TRAPPC9: variants seen among roughly 807,000 people sequenced by gnomAD.
TRAPPC9 encodes the protein trafficking protein particle complex subunit 9.
In TRAPPC9, 83 loss-of-function variants were observed where a neutral mutation model predicts 124.0. The observed-to-expected ratio is 0.67, with a 90% CI of 0.56 to 0.80. The LOEUF (loss-of-function observed/expected upper bound fraction) is 0.80, where lower values mean the gene tolerates loss of function less well. Ranked by LOEUF, TRAPPC9 falls within the 30% of genes least tolerant of loss-of-function variation. The pLI, the probability that TRAPPC9 is intolerant of heterozygous loss-of-function variation, is 0.00. For missense variants in TRAPPC9, 1,302 were observed against 1,508.3 expected, an observed-to-expected ratio of 0.86 and a Z score of 2.27; for synonymous variants, 638 against 617.5, an observed-to-expected ratio of 1.03 and a Z score of -0.49.
At chr8:139,752,206 ACCAT>A (rs200963563) in intron 21 of TRAPPC9, among the ~76,000 whole-genome samples, 3 of 148,282 alleles carry the variant, frequency 2.0e-5, no homozygotes, top group Non-Finnish European at 3.0e-5. Flanking sequence ...CTACCCATCT[ACCAT>A]CCATCCATCC....
chr8:140,178,216 G>T (rs961808020), intron 17 of TRAPPC9, among the ~76,000 whole-genome samples: 5 of 152,112 alleles, frequency 3.3e-5, no homozygotes, highest in African/African-American at 1.2e-4. Context: ...GCCTTAGGAG[G>T]AAAGCATTCA....
chr8:139,808,315 G>C (rs1284091683), intron 21 of TRAPPC9, among the ~76,000 whole-genome samples: 1 of 152,132 alleles, frequency 6.6e-6, no homozygotes, highest in South Asian at 2.1e-4. Flanking sequence ...CAAAAAATTA[G>C]CCGGGCGTGG....
At chr8:140,120,665 C>CCCATCCATCCAACAT (rs1413039510) in intron 17 of TRAPPC9, among the ~76,000 whole-genome samples, 1 of 145,994 alleles carries the variant, frequency 6.8e-6, no homozygotes, top group Non-Finnish European at 1.5e-5. Flanking sequence ...CATCCATCCA[C>CCCATCCATCCAACAT]CCATCCATCC....
At position 140,094,332 on chromosome 8, in the gene TRAPPC9, C is replaced by T. The variant is rs1217939353; in HGVS notation, c.2557-70253G>A. 2.0e-5 allele frequency among the ~76,000 whole-genome samples: 3 copies of T among 152,308 alleles called. No individual in the cohort carries two copies. In the East Asian group the frequency reaches 5.8e-4, roughly 29 times the overall value. On this transcript the variant is annotated intron_variant, in intron 17 of 22. Transcript: ENST00000438773. Reference sequence around the variant, plus strand: ...GCAGAAGAAACTCATGCTTGGGTTTCCAGTAACATGTAGACAGCCTGTGGG... The same window carrying T: ...GCAGAAGAAACTCATGCTTGGGTTTTCAGTAACATGTAGACAGCCTGTGGG...
At chr8:140,145,869 A>T (rs538554082) in intron 17 of TRAPPC9, among the ~76,000 whole-genome samples, 1 of 151,820 alleles carries the variant, frequency 6.6e-6, no homozygotes, top group African/African-American at 2.4e-5. Context: ...CTTCCTTCAC[A>T]TGTTTTCTGT....
intron 21 of TRAPPC9, among the ~76,000 whole-genome samples, chr8:139,865,458 G>C (rs1425563636): frequency 6.6e-6 from 1 of 152,230 alleles, no homozygotes; most frequent in African/African-American, 2.4e-5. Context: ...GGGTGAAACA[G>C]ACACAGATCA....
intron 19 of TRAPPC9, among the ~76,000 whole-genome samples, chr8:139,971,357 A>G (rs1836053961): frequency 6.6e-6 from 1 of 151,742 alleles, no homozygotes; most frequent in African/African-American, 2.4e-5. Context: ...CCCGCCCCCA[A>G]CCTCCTGGCC....
intron 21 of TRAPPC9, among the ~76,000 whole-genome samples, chr8:139,781,946 T>C (rs1821853891): frequency 6.6e-6 from 1 of 152,194 alleles, no homozygotes; most frequent in Admixed American, 6.5e-5. Flanking sequence ...AACCTAAGTA[T>C]ATTAATAATC....
At position 140,283,916 on chromosome 8, in the gene TRAPPC9, C is replaced by T; in HGVS notation, c.2087G>A (p.Arg696Lys). 6.2e-7 allele frequency: 1 copy of T among 1,614,060 alleles called. No individual in the cohort carries two copies. Among genetic ancestry groups the T allele is most frequent in the Non-Finnish European group, 8.5e-7 (1 of 1,180,010 alleles). ...STVEVIPALP[R>K]LQISTSLPRS... Reference sequence around the variant, plus strand: ...GGGCAGAGAGGTGCTGATCTGCAGTCTTGGCAACGCGGGAATGACTTCCAC... The same window carrying T: ...GGGCAGAGAGGTGCTGATCTGCAGTTTTGGCAACGCGGGAATGACTTCCAC... Residue 696 changes from arginine (R) to lysine (K), a missense_variant, in exon 14 of 23, where the codon AGA becomes AAA. By Grantham distance (26) the Arg-to-Lys change is conservative. Transcript: ENST00000438773.
chr8:140,239,907 A>G (rs959201718), intron 16 of TRAPPC9, among the ~76,000 whole-genome samples: 6 of 152,238 alleles, frequency 3.9e-5, no homozygotes, highest in Non-Finnish European at 4.4e-5. Flanking sequence ...TCCAAAAATT[A>G]GTATTTATTT....
At chr8:140,442,356 T>A (rs1373348653) in intron 2 of TRAPPC9, among the ~76,000 whole-genome samples, 1 of 151,798 alleles carries the variant, frequency 6.6e-6, no homozygotes, top group Non-Finnish European at 1.5e-5. Context: ...TCCCAGCACT[T>A]TGGGAGGCCG....
intron 19 of TRAPPC9, among the ~76,000 whole-genome samples, chr8:139,982,637 T>C (rs11987198): frequency 0.22 from 33,645 of 152,138 alleles, 4,932 homozygotes; most frequent in African/African-American, 0.43. Flanking sequence ...ATTACAGAAC[T>C]GATGTATCAC....
chr8:139,979,024 G>A (rs949733279), intron 19 of TRAPPC9, among the ~76,000 whole-genome samples: 1 of 152,034 alleles, frequency 6.6e-6, no homozygotes, highest in African/African-American at 2.4e-5. Context: ...CCCAGGAGGG[G>A]AGTGAAGAGT....
chr8:140,420,036 T>C (rs2070147409), intron 5 of TRAPPC9, among the ~76,000 whole-genome samples: 1 of 152,080 alleles, frequency 6.6e-6, no homozygotes, highest in African/African-American at 2.4e-5. Flanking sequence ...ACACAAAAAA[T>C]TGTGTTTCCA....
At chr8:140,253,014 T>C in intron 15 of TRAPPC9, 85 bp from the exon 16 acceptor site, 1 of 1,351,986 alleles carries the variant, frequency 7.4e-7, no homozygotes, top group Admixed American at 1.8e-5. Context: ...TTCTGATGCA[T>C]TCTCAAAAGC....
chr8:140,426,864 ATTG>A (rs2070441987), intron 4 of TRAPPC9, among the ~76,000 whole-genome samples: 1 of 151,814 alleles, frequency 6.6e-6, no homozygotes, highest in Admixed American at 6.6e-5. Flanking sequence ...CCCTAAACAA[ATTG>A]TTAAGTGCCT....
At chr8:139,796,006 AGAGGAGGATGAG>A (rs997758398) in intron 21 of TRAPPC9, among the ~76,000 whole-genome samples, 7 of 150,712 alleles carry the variant, frequency 4.6e-5, no homozygotes, top group East Asian at 2.0e-4. Flanking sequence ...TGGTGGAGGA[AGAGGAGGATGAG>A]GAGGAGGAAG....
intron 21 of TRAPPC9, among the ~76,000 whole-genome samples, chr8:139,883,092 A>T (rs1829778193): frequency 6.6e-6 from 1 of 152,210 alleles, no homozygotes; most frequent in Non-Finnish European, 1.5e-5. Flanking sequence ...GGATTAATCC[A>T]TTCAAGGATT....
At chr8:140,411,294 C>T (rs188451934) in intron 5 of TRAPPC9, among the ~76,000 whole-genome samples, 37 of 152,292 alleles carry the variant, frequency 2.4e-4, no homozygotes, top group Admixed American at 5.9e-4. Flanking sequence ...CTTAGAAAAA[C>T]GTCCGATTCC....
Sources: gnomAD v4.1 joint callset for allele counts (sites outside exome capture counted in the v4.1 genomes callset) on GRCh38, gnomAD v4.1.1 for gene constraint, MANE v1.5 for transcripts, NCBI Gene and HGNC (gene_info 2026-07-23, HGNC 2026-07-21) for gene names.